The following CDH13 variants were observed in gnomAD, a reference collection of about 807,000 sequenced individuals.
CDH13 encodes the protein cadherin-13.
CDH13 carries 24 observed loss-of-function variants against 63.8 expected under a neutral mutation model. The observed-to-expected ratio is 0.38, with a 90% CI of 0.27 to 0.53. The LOEUF (loss-of-function observed/expected upper bound fraction) is 0.53, where lower values mean the gene tolerates loss of function less well. Ranked by LOEUF, CDH13 falls within the 20% of genes least tolerant of loss-of-function variation. The probability of loss-of-function intolerance (pLI) is 0.85; values close to 1 mark genes in which losing one functional copy is unlikely to be tolerated. For synonymous variants in CDH13, 503 were observed against 355.3 expected, an observed-to-expected ratio of 1.42 and a Z score of -4.67; for missense variants, 1,049 against 903.1, an observed-to-expected ratio of 1.16 and a Z score of -2.07.
intron 11 of CDH13, among the ~76,000 whole-genome samples, chr16:83,777,443 TC>T (rs1169253066): frequency 6.6e-6 from 1 of 152,166 alleles, no homozygotes; most frequent in Non-Finnish European, 1.5e-5. Context: ...CACCCTGCGG[TC>T]CCCCAGCCAG....
chr16:83,399,316 A>T (rs575797739), intron 6 of CDH13, among the ~76,000 whole-genome samples: 1 of 152,220 alleles, frequency 6.6e-6, no homozygotes, highest in Non-Finnish European at 1.5e-5. Context: ...AGTGTTTTGA[A>T]ATATGTTACT....
chr16:83,694,814 C>G (rs1444451488), intron 10 of CDH13, among the ~76,000 whole-genome samples: 1 of 152,198 alleles, frequency 6.6e-6, no homozygotes, highest in African/African-American at 2.4e-5. Context: ...TAGGGAGAGT[C>G]AAGCCAGGCC....
At chr16:83,725,240 C>G (rs917663456) in intron 10 of CDH13, among the ~76,000 whole-genome samples, 1 of 152,174 alleles carries the variant, frequency 6.6e-6, no homozygotes, top group East Asian at 1.9e-4. Context: ...ATGGGATAAA[C>G]AAAGGCATGG....
intron 6 of CDH13, among the ~76,000 whole-genome samples, chr16:83,478,984 T>C (rs1047191005): frequency 7.2e-5 from 11 of 152,218 alleles, no homozygotes; most frequent in Non-Finnish European, 1.6e-4. Context: ...CATGGGTAGC[T>C]TTCCAGGAAC....
At chr16:83,319,149 G>T (rs2090168169) in intron 5 of CDH13, among the ~76,000 whole-genome samples, 1 of 151,988 alleles carries the variant, frequency 6.6e-6, no homozygotes, top group Non-Finnish European at 1.5e-5. Flanking sequence ...TTCTTTTCTT[G>T]CTGCTTGTTG....
intron 6 of CDH13, among the ~76,000 whole-genome samples, chr16:83,483,645 T>C (rs911761934): frequency 1.3e-5 from 2 of 152,128 alleles, no homozygotes; most frequent in Non-Finnish European, 1.5e-5. Flanking sequence ...CAAGTGTACT[T>C]AACTGGAGAC....
At chr16:82,632,414 C>A (rs1908123040) in intron 1 of CDH13, among the ~76,000 whole-genome samples, 1 of 152,178 alleles carries the variant, frequency 6.6e-6, no homozygotes, top group South Asian at 2.1e-4. Context: ...GCAGCCCCTC[C>A]CTGAGCACAT....
intron 10 of CDH13, among the ~76,000 whole-genome samples, chr16:83,728,142 G>A (rs1199374182): frequency 6.6e-6 from 1 of 152,166 alleles, no homozygotes; most frequent in Non-Finnish European, 1.5e-5. Context: ...AGCACCGCGG[G>A]CAGGCTTCAG....
chr16:83,122,310 G>T (rs2035618967), intron 3 of CDH13, among the ~76,000 whole-genome samples: 1 of 152,142 alleles, frequency 6.6e-6, no homozygotes, highest in Non-Finnish European at 1.5e-5. Context: ...AAATTTAATG[G>T]TGTCATTAGG....
At chr16:83,346,773 T>A (rs935993234) in intron 6 of CDH13, among the ~76,000 whole-genome samples, 2 of 152,220 alleles carry the variant, frequency 1.3e-5, no homozygotes, top group Non-Finnish European at 2.9e-5. Context: ...ACATGTTATT[T>A]TGTGTATTTT....
At chr16:82,797,285 T>G (rs1233715181) in intron 1 of CDH13, among the ~76,000 whole-genome samples, 1 of 152,178 alleles carries the variant, frequency 6.6e-6, no homozygotes, top group Non-Finnish European at 1.5e-5. Flanking sequence ...TCATATGGTA[T>G]GTGGTTCAAC....
At chr16:83,151,140 C>T (rs2036961271) in intron 4 of CDH13, among the ~76,000 whole-genome samples, 1 of 152,162 alleles carries the variant, frequency 6.6e-6, no homozygotes, top group African/African-American at 2.4e-5. Flanking sequence ...TGCTTCATTC[C>T]AGATGCTTAG....
intron 5 of CDH13, among the ~76,000 whole-genome samples, chr16:83,335,271 C>T (rs900115838): frequency 2.6e-5 from 4 of 152,174 alleles, no homozygotes; most frequent in African/African-American, 7.2e-5. Context: ...GATTCCACTA[C>T]GGTGATCCTT....
intron 5 of CDH13, among the ~76,000 whole-genome samples, chr16:83,259,888 A>T (rs1263481560): frequency 6.6e-6 from 1 of 152,094 alleles, no homozygotes; most frequent in Non-Finnish European, 1.5e-5. Flanking sequence ...GGGGGCCTAA[A>T]ATCATGGGAG....
At chr16:83,281,682 G>A (rs1360171153) in intron 5 of CDH13, among the ~76,000 whole-genome samples, 1 of 151,740 alleles carries the variant, frequency 6.6e-6, no homozygotes, top group Non-Finnish European at 1.5e-5. Flanking sequence ...GCTGAGGTGT[G>A]CAGATCACTT....
chr16:83,407,076 T>C (rs1056860807), intron 6 of CDH13, among the ~76,000 whole-genome samples: 4 of 152,216 alleles, frequency 2.6e-5, no homozygotes, highest in Admixed American at 1.3e-4. Flanking sequence ...CCTTCTACCA[T>C]GTATATTCAA....
intron 5 of CDH13, among the ~76,000 whole-genome samples, chr16:83,334,361 T>TCTCTCTCTCACACACACACA (rs1272779883): frequency 7.0e-5 from 6 of 85,622 alleles, no homozygotes; most frequent in African/African-American, 2.5e-4. Context: ...TCTCTCTCTC[T>TCTCTCTCTCACACACACACA]CACACACACA....
intron 4 of CDH13, among the ~76,000 whole-genome samples, chr16:83,209,769 G>T (rs529077884): frequency 9.6e-4 from 146 of 152,194 alleles, no homozygotes; most frequent in African/African-American, 3.4e-3. Flanking sequence ...CCTTGCAGGC[G>T]AGGAGGGCTA....
chr16:82,924,304 A>G (rs2151285406), intron 2 of CDH13, among the ~76,000 whole-genome samples: 1 of 152,290 alleles, frequency 6.6e-6, no homozygotes, highest in South Asian at 2.1e-4. Flanking sequence ...GACAATATAA[A>G]AGCCTTTCCC....
Sources: allele counts gnomAD v4.1 joint callset (sites outside exome capture counted in the v4.1 genomes callset), GRCh38; gene constraint gnomAD v4.1.1; transcripts MANE v1.5; gene names NCBI Gene and HGNC (gene_info 2026-07-23, HGNC 2026-07-21).